Variants in SPECC1 observed in about 807,000 individuals in gnomAD.
The protein encoded by SPECC1 is cytospin-B.
A neutral mutation model predicts 104.1 loss-of-function variants in SPECC1; 62 were observed. That is an observed-to-expected ratio of 0.60 (90% CI 0.49 to 0.74). The LOEUF (loss-of-function observed/expected upper bound fraction) is 0.74. SPECC1 is among the 30% of genes least tolerant of loss of function. The pLI, the probability that SPECC1 is intolerant of heterozygous loss-of-function variation, is 0.00. For missense variants in SPECC1, 1,306 were observed against 1,310.5 expected (o/e 1.00, Z 0.05); for synonymous variants, 513 against 501.6 (o/e 1.02, Z -0.30).
At chr17:20,114,912 A>G (rs150188944) in intron 3 of SPECC1, among the ~76,000 whole-genome samples, 3 of 152,324 alleles carry the variant, frequency 2.0e-5, no homozygotes, top group East Asian at 3.9e-4. Flanking sequence ...GTATTGAGAG[A>G]TTATCTATTT....
At chr17:20,150,429 C>T (rs958816070) in intron 3 of SPECC1, among the ~76,000 whole-genome samples, 3 of 151,632 alleles carry the variant, frequency 2.0e-5, no homozygotes, top group Non-Finnish European at 4.4e-5. Flanking sequence ...CACCTGAGGT[C>T]GGGAGTTCGA....
intron 2 of SPECC1, 101 bp downstream of exon 2, chr17:20,096,899 G>GA (rs756514582): frequency 4.9e-6 from 7 of 1,438,346 alleles, no homozygotes; most frequent in Non-Finnish European, 6.6e-6. Flanking sequence ...TCGGGGCAGG[G>GA]AAGGAGGCTC....
intron 7 of SPECC1, among the ~76,000 whole-genome samples, chr17:20,233,358 A>G (rs988317990): frequency 2.7e-4 from 41 of 152,144 alleles, no homozygotes; most frequent in African/African-American, 9.7e-4. Flanking sequence ...ATTTCATGAC[A>G]TTGGAAAGAG....
intron 12 of SPECC1, chr17:20,290,120 G>A (rs943877243): frequency 7.2e-5 from 11 of 152,114 alleles, no homozygotes; most frequent in African/African-American, 2.7e-4. Flanking sequence ...CACCAGTGCA[G>A]TCTGTCCTGA....
In SPECC1 at chr17:20,246,030, C is replaced by T. The variant is rs867852336; in HGVS notation, c.2456C>T (p.Thr819Ile). 2 of 1,614,192 alleles carry T rather than the reference C, an allele frequency of 1.2e-6. No individual in the cohort carries two copies. Among genetic ancestry groups the T allele is most frequent in the Non-Finnish European group, 1.7e-6 (2 of 1,180,030 alleles). The part of the protein sequence containing the change: ...TSPTPPESAT[T>I]VKSLIKSFDL... ...CCAACACCCCCAGAGTCGGCAACCACCGTTAAGTCACTTATCAAGTCATTT... is the reference window on the plus strand; with the variant it reads ...CCAACACCCCCAGAGTCGGCAACCATCGTTAAGTCACTTATCAAGTCATTT... The change falls in exon 8 of 15, where the codon ACC becomes ATC. Residue 819 changes from threonine to isoleucine, a missense_variant. Transcript: ENST00000395527.
chr17:20,119,650 A>G (rs1282004695), intron 3 of SPECC1, among the ~76,000 whole-genome samples: 1 of 152,246 alleles, frequency 6.6e-6, no homozygotes, highest in Admixed American at 6.5e-5. Context: ...ATAGGTGAAT[A>G]CCAGTCTATT....
At position 20,232,325 on chromosome 17, in the gene SPECC1, G is replaced by C; in HGVS notation, c.2271G>C (p.Glu757Asp). The C allele has an allele frequency of 1.2e-6, 2 of 1,614,142 alleles. No individual in the cohort carries two copies. Among genetic ancestry groups the C allele is most frequent in the Non-Finnish European group, 1.7e-6 (2 of 1,180,024 alleles). ...TGAAGAGGAAACTGCTGGAGGAGGAGGAGAAGAATGCCCGGTTGCAGAAGG... is the reference window on the plus strand; with the variant it reads ...TGAAGAGGAAACTGCTGGAGGAGGACGAGAAGAATGCCCGGTTGCAGAAGG... Reference protein sequence around the residue: ...RTVKRKLLEEEEKNARLQKEL... With the variant: ...RTVKRKLLEEDEKNARLQKEL... The change falls in exon 7 of 15, where the codon GAG becomes GAC. Residue 757 changes from glutamate (E) to aspartate (D), a missense_variant. Physicochemically the swap from Glu to Asp is conservative, Grantham distance 45 (BLOSUM62 2). Transcript: ENST00000395527.
chr17:20,272,339 ATTT>A (rs35441010), intron 12 of SPECC1, among the ~76,000 whole-genome samples: 7 of 148,348 alleles, frequency 4.7e-5, no homozygotes, highest in Non-Finnish European at 7.5e-5. Context: ...TTAATTTTGC[ATTT>A]TTTTTTTTGC....
intron 2 of SPECC1, among the ~76,000 whole-genome samples, chr17:20,107,166 A>AAAAG (rs1161884858): frequency 2.0e-5 from 3 of 148,794 alleles, no homozygotes; most frequent in Non-Finnish European, 4.5e-5. Flanking sequence ...AAAAAAAAAA[A>AAAAG]AAAGAAAAGA....
At chr17:20,274,042 G>GGTTCC (rs756992021) in intron 12 of SPECC1, among the ~76,000 whole-genome samples, 3 of 152,128 alleles carry the variant, frequency 2.0e-5, no homozygotes, top group Non-Finnish European at 4.4e-5. Flanking sequence ...CTGTCATAGA[G>GGTTCC]GTTCCAAGTA....
intron 1 of SPECC1, among the ~76,000 whole-genome samples, chr17:20,053,565 GCT>G (rs1262708484): frequency 1.6e-4 from 24 of 152,120 alleles, no homozygotes. Context: ...CTTCCTCCTT[GCT>G]CTCTCTCTCA....
At chr17:20,020,015 G>A (rs1307520187) in intron 1 of SPECC1, among the ~76,000 whole-genome samples, 1 of 152,202 alleles carries the variant, frequency 6.6e-6, no homozygotes, top group African/African-American at 2.4e-5. Context: ...CATGCATAGA[G>A]CTGGTGCCTA....
intron 3 of SPECC1, among the ~76,000 whole-genome samples, chr17:20,136,918 A>T (rs1294610192): frequency 1.3e-5 from 2 of 152,148 alleles, no homozygotes; most frequent in Non-Finnish European, 2.9e-5. Context: ...CATTCATGAG[A>T]TGGTTTCCTT....
At chr17:20,146,071 T>C (rs1186723184) in intron 3 of SPECC1, among the ~76,000 whole-genome samples, 2 of 152,212 alleles carry the variant, frequency 1.3e-5, no homozygotes, top group African/African-American at 2.4e-5. Context: ...TGTAAGTACA[T>C]TGTTATTAAC....
intron 3 of SPECC1, among the ~76,000 whole-genome samples, chr17:20,175,799 G>A (rs1304925910): frequency 6.6e-6 from 1 of 152,196 alleles, no homozygotes; most frequent in Non-Finnish European, 1.5e-5. Context: ...GCCTCTGCCG[G>A]GTGGGACAGT....
intron 12 of SPECC1, among the ~76,000 whole-genome samples, chr17:20,275,338 G>T (rs1240951521): frequency 1.3e-5 from 2 of 152,124 alleles, no homozygotes; most frequent in African/African-American, 4.8e-5. Context: ...TGGTATAAAT[G>T]AAGTTTTGTC....
chr17:20,174,984 G>A (rs2526463), intron 3 of SPECC1, among the ~76,000 whole-genome samples: 64,221 of 151,910 alleles, frequency 0.42, 14,207 homozygotes, highest in East Asian at 0.8. Flanking sequence ...GCCTGTGGTG[G>A]GTGGGCAGGC....
At chr17:20,270,430 T>C (rs1442489494) in intron 12 of SPECC1, among the ~76,000 whole-genome samples, 4 of 72,230 alleles carry the variant, frequency 5.5e-5, no homozygotes, top group African/African-American at 2.2e-4. Flanking sequence ...GCCCTGTCTT[T>C]ACCAAAAAAA....
intron 4 of SPECC1, among the ~76,000 whole-genome samples, chr17:20,212,702 C>T (rs1055075575): frequency 6.6e-6 from 1 of 152,168 alleles, no homozygotes; most frequent in Admixed American, 6.6e-5. Flanking sequence ...GCTGTCATTC[C>T]AAGTTTATTT....
Sources: gnomAD v4.1 joint callset for allele counts (sites outside exome capture counted in the v4.1 genomes callset) on GRCh38, gnomAD v4.1.1 for gene constraint, MANE v1.5 for transcripts, NCBI Gene and HGNC (gene_info 2026-07-23, HGNC 2026-07-21) for gene names.